Variants in CRTC3 observed in about 807,000 individuals in gnomAD.
CRTC3 encodes CREB-regulated transcription coactivator 3.
A neutral mutation model predicts 74.5 loss-of-function variants in CRTC3; 26 were observed. The observed-to-expected ratio is 0.35, with a 90% confidence interval of 0.26 to 0.48. The LOEUF (loss-of-function observed/expected upper bound fraction) is 0.48, where lower values mean the gene tolerates loss of function less well. Among genes scored for constraint, CRTC3 ranks in the 20% least tolerant of loss-of-function variants. CRTC3 has a pLI of 0.99. For missense variants in CRTC3, 760 were observed against 787.3 expected (o/e 0.97, Z 0.41); for synonymous variants, 377 against 325.8 (o/e 1.16, Z -1.69).
rs376291116 is a variant in CRTC3 at position 90,643,730 on chromosome 15, G to T, written c.*1590G>T. On this transcript the variant is annotated 3_prime_UTR_variant, in exon 15 of 15. Coordinates refer to ENST00000268184, the MANE Select transcript of CRTC3 (RefSeq NM_022769.5). ...AGGGGGCAGAGCACTGCAGGGGGAG[G>T]GGGGGGTCTAGGCTGTGAGAGGACA... is the stretch of plus-strand genomic sequence containing the variant. The T allele has an allele frequency of 2.2e-5, 5 of 232,426 alleles. No homozygotes were observed. The highest frequency in any genetic ancestry group is 8.9e-5 in the African/African-American group (4 of 45,106). 14.4% of individuals were successfully genotyped at this position (232,426 alleles called of 1,614,324 possible).
At chr15:90,555,984 G>T (rs10852134) in intron 2 of CRTC3, among the ~76,000 whole-genome samples, 100,674 of 151,992 alleles carry the variant, frequency 0.66, 34,696 homozygotes, top group Non-Finnish European at 0.77. Context: ...CAGAAAAAAT[G>T]AGCCATTTTT....
chr15:90,562,807 G>T (rs956654493), intron 2 of CRTC3, among the ~76,000 whole-genome samples: 2 of 152,046 alleles, frequency 1.3e-5, no homozygotes, highest in African/African-American at 2.4e-5. Context: ...GGATGGAAGA[G>T]GGGGGTCAGT....
chr15:90,543,838 G>T (rs1308523185), intron 2 of CRTC3, among the ~76,000 whole-genome samples: 8 of 152,056 alleles, frequency 5.3e-5, no homozygotes, highest in Admixed American at 2.6e-4. Context: ...ACCCCAAAAG[G>T]TTCCCTTGTG....
intron 2 of CRTC3, among the ~76,000 whole-genome samples, chr15:90,566,154 C>T (rs1396791529): frequency 6.6e-6 from 1 of 152,138 alleles, no homozygotes; most frequent in Non-Finnish European, 1.5e-5. Flanking sequence ...TAATCTAGAG[C>T]AAAGCCTAAC....
intron 2 of CRTC3, among the ~76,000 whole-genome samples, chr15:90,568,260 C>A (rs1018036421): frequency 6.6e-6 from 1 of 152,152 alleles, no homozygotes; most frequent in Non-Finnish European, 1.5e-5. Flanking sequence ...GAATCTACTC[C>A]TGGTGAAGAT....
In CRTC3 at chr15:90,644,798, A is replaced by G. The variant is rs1376976325; in HGVS notation, c.*2658A>G. 3.4e-5 allele frequency: 8 copies of G among 232,490 alleles called. No homozygotes were observed. The highest frequency in any genetic ancestry group is 6.0e-5 in the Non-Finnish European group (7 of 117,594). The allele number at this position is 232,490 out of a possible 1,614,324, so 14.4% of individuals were successfully genotyped here. On this transcript the variant is annotated 3_prime_UTR_variant, in exon 15 of 15. Transcript: ENST00000268184. ...ACCAGTTGTGGTCCTCAGCATTTGAAGCAGCTGCATACTTCAGAGTAAACT... is the reference window on the plus strand; with the variant it reads ...ACCAGTTGTGGTCCTCAGCATTTGAGGCAGCTGCATACTTCAGAGTAAACT...
At chr15:90,634,880 T>A in intron 11 of CRTC3, 1 of 1,562,212 alleles carries the variant, frequency 6.4e-7, no homozygotes. Context: ...TTGGATCGGG[T>A]TCTAAAGGTA....
chr15:90,617,228 C>G (rs902244337), intron 7 of CRTC3, among the ~76,000 whole-genome samples: 1 of 152,222 alleles, frequency 6.6e-6, no homozygotes, highest in Non-Finnish European at 1.5e-5. Context: ...TGCACTTCAT[C>G]TCTCAGCAGC....
chr15:90,535,956 A>T (rs935973854), intron 1 of CRTC3, among the ~76,000 whole-genome samples: 2 of 152,214 alleles, frequency 1.3e-5, no homozygotes. Context: ...GAATGTCTGT[A>T]TACTTAGCTA....
intron 6 of CRTC3, among the ~76,000 whole-genome samples, chr15:90,612,165 A>T (rs890452470): frequency 6.6e-6 from 1 of 151,238 alleles, no homozygotes. Flanking sequence ...TCCAGGTACT[A>T]CAGCAAATTG....
At chr15:90,584,930 GA>G (rs1967625480) in intron 2 of CRTC3, among the ~76,000 whole-genome samples, 1 of 152,156 alleles carries the variant, frequency 6.6e-6, no homozygotes, top group African/African-American at 2.4e-5. Flanking sequence ...TATCGTCAAT[GA>G]ATAGCTTTGT....
chr15:90,636,072 G>A lies in CRTC3; in HGVS notation c.1267-2374G>A, dbSNP rs574231667. On this transcript the variant is annotated intron_variant, in intron 11 of 14. Coordinates refer to ENST00000268184, the MANE Select transcript of CRTC3 (RefSeq NM_022769.5). Reference sequence around the variant, plus strand: ...AAAAAACTACTTTAAAGTTCATATGGAACCGAAAAAGAGCCCACATTGCCA... The same window carrying A: ...AAAAAACTACTTTAAAGTTCATATGAAACCGAAAAAGAGCCCACATTGCCA... Among the ~76,000 whole-genome samples, 8 of 152,206 alleles carry A rather than the reference G, an allele frequency of 5.3e-5. No individual in the cohort carries two copies. In the South Asian group the frequency reaches 1.7e-3, roughly 32 times the overall value.
At position 90,617,469 on chromosome 15, in the gene CRTC3, GT is replaced by G. The variant is rs1968523374; in HGVS notation, c.614-409del. On this transcript the variant is annotated intron_variant, in intron 7 of 14. Coordinates refer to ENST00000268184, the MANE Select transcript of CRTC3 (RefSeq NM_022769.5). Reference sequence around the variant, plus strand: ...GTCAAACATTTTATTTGTTAAATCAGTTTTTACAAAGATAATTTGTTCAGCC... The same window carrying G: ...GTCAAACATTTTATTTGTTAAATCAGTTTTACAAAGATAATTTGTTCAGCC... Among the ~76,000 whole-genome samples the G allele has an allele frequency of 4.6e-5, 7 of 152,306 alleles. No individual in the cohort carries two copies. The South Asian group carries it at 1.4e-3, about 32-fold the overall frequency.
intron 2 of CRTC3, among the ~76,000 whole-genome samples, chr15:90,554,319 C>T (rs571411077): frequency 6.6e-6 from 1 of 152,036 alleles, no homozygotes; most frequent in South Asian, 2.1e-4. Flanking sequence ...TTCTCTGCCT[C>T]AGCCTTCCGA....
intron 2 of CRTC3, among the ~76,000 whole-genome samples, chr15:90,553,787 T>G (rs1400190889): frequency 1.3e-5 from 2 of 152,200 alleles, no homozygotes; most frequent in East Asian, 3.8e-4. Context: ...TGAATCAGAT[T>G]CCATTAATCG....
chr15:90,562,731 C>T (rs1039835446), intron 2 of CRTC3, among the ~76,000 whole-genome samples: 7 of 152,118 alleles, frequency 4.6e-5, no homozygotes, highest in Non-Finnish European at 1.0e-4. Flanking sequence ...AGTCTTAACT[C>T]GCCTGAACTG....
intron 10 of CRTC3, among the ~76,000 whole-genome samples, chr15:90,627,167 G>T (rs966009044): frequency 3.3e-5 from 5 of 152,198 alleles, no homozygotes; most frequent in Non-Finnish European, 7.3e-5. Context: ...TCTAATGATT[G>T]CAGTGATGCT....
At chr15:90,564,323 C>A (rs572087477) in intron 2 of CRTC3, among the ~76,000 whole-genome samples, 2 of 152,124 alleles carry the variant, frequency 1.3e-5, no homozygotes, top group Admixed American at 6.5e-5. Context: ...AAAAAGAAAC[C>A]ATTTCCTGAT....
chr15:90,531,077 T>C (rs1966619504), intron 1 of CRTC3, among the ~76,000 whole-genome samples: 1 of 149,654 alleles, frequency 6.7e-6, no homozygotes, highest in East Asian at 2.0e-4. Context: ...TCTGGGGGAC[T>C]GAGGCGGGGG....
Sources: gnomAD v4.1 joint callset for allele counts (sites outside exome capture counted in the v4.1 genomes callset) on GRCh38, gnomAD v4.1.1 for gene constraint, MANE v1.5 for transcripts, NCBI Gene and HGNC (gene_info 2026-07-23, HGNC 2026-07-21) for gene names.